Variants in THSD7A observed in about 807,000 individuals in gnomAD.
THSD7A encodes thrombospondin type-1 domain-containing protein 7A.
A neutral mutation model predicts 231.3 loss-of-function variants in THSD7A; 96 were observed. That is an observed-to-expected ratio of 0.41 (90% CI 0.35 to 0.49). The LOEUF (loss-of-function observed/expected upper bound fraction) is 0.49, where lower values mean the gene tolerates loss of function less well. Ranked by LOEUF, THSD7A falls within the 20% of genes least tolerant of loss-of-function variation. The pLI, the probability that THSD7A is intolerant of heterozygous loss-of-function variation, is 0.05. For synonymous variants in THSD7A, 940 were observed against 743.3 expected (o/e 1.26, Z -4.30); for missense variants, 2,290 against 2,070.2 (o/e 1.11, Z -2.06).
chr7:11,804,176 T>C (rs550556375), intron 1 of THSD7A, among the ~76,000 whole-genome samples: 2 of 152,258 alleles, frequency 1.3e-5, no homozygotes, highest in South Asian at 2.1e-4. Flanking sequence ...GAATTTTTTG[T>C]CATTATCACT....
intron 9 of THSD7A, among the ~76,000 whole-genome samples, chr7:11,465,725 G>A (rs576516502): frequency 2.6e-5 from 4 of 152,172 alleles, no homozygotes; most frequent in African/African-American, 9.6e-5. Flanking sequence ...TTTAGGACAT[G>A]AGGAAGAAGC....
At chr7:11,674,977 A>C (rs1416853919) in intron 1 of THSD7A, among the ~76,000 whole-genome samples, 2 of 152,156 alleles carry the variant, frequency 1.3e-5, no homozygotes, top group African/African-American at 4.8e-5. Flanking sequence ...ATTCCTAGAC[A>C]AGATGGCCGA....
At chr7:11,828,205 G>C (rs1483794112) in intron 1 of THSD7A, among the ~76,000 whole-genome samples, 1 of 152,204 alleles carries the variant, frequency 6.6e-6, no homozygotes, top group African/African-American at 2.4e-5. Flanking sequence ...TTGTTTGAAA[G>C]TTTATTGATA....
chr7:11,827,122 A>G (rs575298403), intron 1 of THSD7A, among the ~76,000 whole-genome samples: 8 of 152,200 alleles, frequency 5.3e-5, no homozygotes, highest in African/African-American at 1.9e-4. Flanking sequence ...TTCCACCTTG[A>G]CCTCTAAAAA....
At chr7:11,512,942 G>GATATATATACATATATATATATATAT (rs1015746084) in intron 6 of THSD7A, among the ~76,000 whole-genome samples, 52 of 101,994 alleles carry the variant, frequency 5.1e-4, no homozygotes, top group Admixed American at 2.1e-3. Flanking sequence ...AAGAAACTAT[G>GATATATATACATATATATATATATAT]ATATATATAT....
chr7:11,761,623 T>C (rs1043383945), intron 1 of THSD7A, among the ~76,000 whole-genome samples: 3 of 152,264 alleles, frequency 2.0e-5, no homozygotes, highest in Admixed American at 2.0e-4. Flanking sequence ...TTCTTATCAT[T>C]TACCATCTAT....
At chr7:11,403,970 C>A (rs1221408678) in intron 22 of THSD7A, among the ~76,000 whole-genome samples, 2 of 152,138 alleles carry the variant, frequency 1.3e-5, no homozygotes, top group East Asian at 1.9e-4. Context: ...CAAAACCCAT[C>A]ATTAGAGAAA....
At chr7:11,605,755 C>A (rs952723818) in intron 2 of THSD7A, among the ~76,000 whole-genome samples, 2 of 152,092 alleles carry the variant, frequency 1.3e-5, no homozygotes, top group African/African-American at 4.8e-5. Flanking sequence ...AAGCCCTAAG[C>A]CAAGTTTCCA....
At position 11,769,149 on chromosome 7, in the gene THSD7A, A is replaced by AT. The variant is rs1245740094; in HGVS notation, c.190+62607dup. Reference sequence around the variant, plus strand: ...TATATATATATATATATATATATATATATATTTTTTTTTTTTTTTGGTATT... The same window carrying AT: ...TATATATATATATATATATATATATATTATATTTTTTTTTTTTTTTGGTATT... On this transcript the variant is annotated intron_variant, in intron 1 of 27. Coordinates refer to ENST00000423059, the MANE Select transcript of THSD7A (RefSeq NM_015204.3). Among the ~76,000 whole-genome samples, 4 of 36,298 alleles carry AT rather than the reference A, an allele frequency of 1.1e-4. No individual in the cohort carries two copies. The East Asian group carries it at 1.7e-3, about 16-fold the overall frequency. 23.8% of individuals were successfully genotyped at this position (36,298 alleles called of 152,430 possible).
chr7:11,656,716 A>G lies in THSD7A; in HGVS notation c.191-19755T>C, dbSNP rs147216999. 9.6e-3 allele frequency among the ~76,000 whole-genome samples: 1,460 copies of G among 151,920 alleles called. 17 individuals carry two copies. The highest frequency in any genetic ancestry group is 0.01 in the Non-Finnish European group (711 of 67,848). On this transcript the variant is annotated intron_variant, in intron 1 of 27. Coordinates refer to ENST00000423059, the MANE Select transcript of THSD7A (RefSeq NM_015204.3). ...TGTGTCTAGAATTTTAAACATCAAC[A>G]TATCATTGCCCATCCAGCAAATCAG... is the stretch of plus-strand genomic sequence containing the variant.
intron 2 of THSD7A, among the ~76,000 whole-genome samples, chr7:11,604,710 A>G (rs574800574): frequency 6.6e-6 from 1 of 152,282 alleles, no homozygotes; most frequent in East Asian, 1.9e-4. Context: ...CAGTTCTCTG[A>G]AATGCAGAAC....
chr7:11,581,421 T>C (rs1389674436), intron 4 of THSD7A, among the ~76,000 whole-genome samples: 4 of 152,102 alleles, frequency 2.6e-5, no homozygotes, highest in African/African-American at 9.7e-5. Flanking sequence ...CAGACACCAA[T>C]ATACACCATG....
chr7:11,703,030 G>A (rs1465962994), intron 1 of THSD7A, among the ~76,000 whole-genome samples: 1 of 151,110 alleles, frequency 6.6e-6, no homozygotes, highest in African/African-American at 2.4e-5. Flanking sequence ...AACTCTCTGA[G>A]GCAACATGCT....
chr7:11,499,751 A>C (rs1484934218), intron 6 of THSD7A, among the ~76,000 whole-genome samples: 1 of 152,200 alleles, frequency 6.6e-6, no homozygotes, highest in African/African-American at 2.4e-5. Context: ...GAAATAAGAC[A>C]GTCAGACAAA....
In THSD7A at chr7:11,512,942, G is replaced by GATATAT. The variant is rs59121982; in HGVS notation, c.1822+28471_1822+28476dup. ...TAAAGTATAATAAAAAAGAAACTAT[G>GATATAT]ATATATATATATATATATGTAAAAT... On this transcript the variant is annotated intron_variant, in intron 6 of 27. Coordinates refer to ENST00000423059, the MANE Select transcript of THSD7A (RefSeq NM_015204.3). Among the ~76,000 whole-genome samples the GATATAT allele has an allele frequency of 1.0e-3, 102 of 101,986 alleles. 17 individuals are homozygous for GATATAT. Among genetic ancestry groups the GATATAT allele is most frequent in the African/African-American group, 4.2e-3 (90 of 21,628 alleles). 66.9% of individuals were successfully genotyped at this position (101,986 alleles called of 152,430 possible).
intron 1 of THSD7A, among the ~76,000 whole-genome samples, chr7:11,665,235 A>G (rs1783084559): frequency 6.6e-6 from 1 of 152,124 alleles, no homozygotes; most frequent in South Asian, 2.1e-4. Context: ...TCTAGTTATT[A>G]TGCTATGACG....
intron 1 of THSD7A, among the ~76,000 whole-genome samples, chr7:11,722,029 C>G (rs934922160): frequency 6.6e-6 from 1 of 151,870 alleles, no homozygotes; most frequent in Non-Finnish European, 1.5e-5. Flanking sequence ...CAACTTTTCA[C>G]TCATTGTGAA....
intron 2 of THSD7A, among the ~76,000 whole-genome samples, chr7:11,612,932 T>C (rs538192830): frequency 2.6e-5 from 4 of 152,302 alleles, no homozygotes; most frequent in Admixed American, 6.5e-5. Context: ...GCAGGACCGT[T>C]TCACTATCTT....
At chr7:11,388,465 A>C (rs904183683) in intron 23 of THSD7A, among the ~76,000 whole-genome samples, 1 of 152,108 alleles carries the variant, frequency 6.6e-6, no homozygotes, top group Non-Finnish European at 1.5e-5. Context: ...TAGATTTCCT[A>C]TTTTATTTGT....
Sources: gnomAD v4.1 joint callset for allele counts (sites outside exome capture counted in the v4.1 genomes callset) on GRCh38, gnomAD v4.1.1 for gene constraint, MANE v1.5 for transcripts, NCBI Gene and HGNC (gene_info 2026-07-23, HGNC 2026-07-21) for gene names.